The following NRP1 variants were observed in gnomAD, a reference collection of about 807,000 sequenced individuals.
The protein encoded by NRP1 is neuropilin 1, also known as neuropilin-1.
A neutral mutation model predicts 106.7 loss-of-function variants in NRP1; 35 were observed. That is an observed-to-expected ratio of 0.33 (90% CI 0.25 to 0.43). The LOEUF is 0.43. Ranked by LOEUF, NRP1 falls within the 20% of genes least tolerant of loss-of-function variation. The pLI is 1.00. For synonymous variants in NRP1, 437 were observed against 417.9 expected (o/e 1.05, Z -0.56); for missense variants, 1,024 against 1,170.4 (o/e 0.87, Z 1.83).
intron 12 of NRP1, chr10:33,194,220 C>T (rs538833766): frequency 6.6e-6 from 1 of 152,546 alleles, no homozygotes; most frequent in Admixed American, 6.5e-5. Flanking sequence ...TGCCAACGCC[C>T]ATGACCCTGA....
chr10:33,284,726 T>C (rs1366838697), intron 2 of NRP1, among the ~76,000 whole-genome samples: 2 of 152,238 alleles, frequency 1.3e-5, no homozygotes, highest in African/African-American at 4.8e-5. Flanking sequence ...GCAAATAATG[T>C]TCTTTTCATG....
chr10:33,296,998 A>T (rs1278981109), intron 2 of NRP1, among the ~76,000 whole-genome samples: 1 of 152,122 alleles, frequency 6.6e-6, no homozygotes, highest in East Asian at 1.9e-4. Context: ...CAAAAGAAAA[A>T]AAAAAGAATA....
intron 12 of NRP1, among the ~76,000 whole-genome samples, chr10:33,194,011 G>A (rs1161871333): frequency 1.3e-5 from 2 of 152,138 alleles, no homozygotes; most frequent in African/African-American, 4.8e-5. Flanking sequence ...TTCATTTAGT[G>A]CAAACAGGCT....
intron 2 of NRP1, among the ~76,000 whole-genome samples, chr10:33,305,695 A>G (rs996067469): frequency 6.6e-6 from 1 of 152,144 alleles, no homozygotes; most frequent in Admixed American, 6.6e-5. Context: ...AAAATCATAT[A>G]CCATGACTAA....
In NRP1 at chr10:33,202,879, T is replaced by C; in HGVS notation, c.1864+12A>G. 1.9e-6 allele frequency: 3 copies of C among 1,614,228 alleles called. No homozygotes were observed. The highest frequency in any genetic ancestry group is 1.7e-6 in the Non-Finnish European group (2 of 1,180,036). On this transcript the variant is annotated intron_variant, in intron 11 of 16. Coordinates refer to ENST00000374867, the MANE Select transcript of NRP1 (RefSeq NM_003873.7). ...AAATGGTACAGCAATGGGATGAAGA[T>C]GGTTTCTGCACCTGTGAGCTGGAAG...
intron 6 of NRP1, among the ~76,000 whole-genome samples, chr10:33,239,695 T>C (rs1840864485): frequency 6.6e-6 from 1 of 152,252 alleles, no homozygotes; most frequent in South Asian, 2.1e-4. Flanking sequence ...CCTAACTTAA[T>C]AGTGGTTCTC....
At chr10:33,308,441 T>G (rs1346280619) in intron 2 of NRP1, among the ~76,000 whole-genome samples, 1 of 151,352 alleles carries the variant, frequency 6.6e-6, no homozygotes, top group Non-Finnish European at 1.5e-5. Flanking sequence ...TTACATGTAA[T>G]TTCAAGAGAA....
chr10:33,250,646 G>A (rs1841788916), intron 6 of NRP1, among the ~76,000 whole-genome samples: 2 of 152,182 alleles, frequency 1.3e-5, no homozygotes, highest in African/African-American at 4.8e-5. Context: ...GATAGACCTT[G>A]TTTCCAAGCC....
At chr10:33,233,411 C>T (rs1279591392) in intron 6 of NRP1, among the ~76,000 whole-genome samples, 1 of 152,154 alleles carries the variant, frequency 6.6e-6, no homozygotes, top group Non-Finnish European at 1.5e-5. Flanking sequence ...AGGAGAAGCA[C>T]ACATTTTACC....
chr10:33,325,160 T>A (rs529963691), intron 2 of NRP1, among the ~76,000 whole-genome samples: 1 of 152,294 alleles, frequency 6.6e-6, no homozygotes, highest in South Asian at 2.1e-4. Flanking sequence ...TGTGTATTTT[T>A]CTAAATATAT....
chr10:33,204,767 T>C (rs1837626998), intron 10 of NRP1, among the ~76,000 whole-genome samples: 1 of 151,864 alleles, frequency 6.6e-6, no homozygotes, highest in Admixed American at 6.6e-5. Context: ...GTTTCACTCT[T>C]GTCACCCAGG....
rs753645404 is a variant in NRP1 at position 33,270,740 on chromosome 10, T to C, written c.365A>G (p.Lys122Arg). Residue 122 changes from lysine to arginine, a missense_variant, in exon 3 of 17, where the codon AAA becomes AGA. By Grantham distance (26) the Lys-to-Arg change is conservative (BLOSUM62 2). Around this residue, in one of 5 missense-constraint regions of NRP1, gnomAD observed 279 missense variants for 327.4 expected, o/e 0.85. Coordinates refer to ENST00000374867, the MANE Select transcript of NRP1 (RefSeq NM_003873.7). ...VVSSGPFLFI[K>R]FVSDYETHGA... Reference sequence around the variant, plus strand: ...ATGTGTTTCGTAGTCAGAGACAAATTTGATAAAAAGAAATGGCCCTGAAGA... The same window carrying C: ...ATGTGTTTCGTAGTCAGAGACAAATCTGATAAAAAGAAATGGCCCTGAAGA... 6.2e-7 allele frequency: 1 copy of C among 1,614,086 alleles called. No homozygotes were observed. Among genetic ancestry groups the C allele is most frequent in the Non-Finnish European group, 8.5e-7 (1 of 1,179,994 alleles).
intron 2 of NRP1, among the ~76,000 whole-genome samples, chr10:33,285,478 G>A (rs1379182621): frequency 2.6e-5 from 4 of 151,948 alleles, no homozygotes; most frequent in Non-Finnish European, 5.9e-5. Flanking sequence ...AAATTTTTTC[G>A]TGATCATTAG....
At chr10:33,269,579 A>T (rs142256547) in intron 3 of NRP1, among the ~76,000 whole-genome samples, 1 of 152,344 alleles carries the variant, frequency 6.6e-6, no homozygotes, top group Non-Finnish European at 1.5e-5. Flanking sequence ...CTTATAACTG[A>T]GGTCCCCAAC....
chr10:33,274,667 G>A (rs567696334), intron 2 of NRP1, among the ~76,000 whole-genome samples: 21 of 152,282 alleles, frequency 1.4e-4, no homozygotes, highest in African/African-American at 5.1e-4. Context: ...ATCCTCCACA[G>A]GGTGTTGTCT....
chr10:33,283,024 G>A (rs1195564221), intron 2 of NRP1, among the ~76,000 whole-genome samples: 6 of 152,134 alleles, frequency 3.9e-5, no homozygotes, highest in Admixed American at 6.5e-5. Flanking sequence ...GATTACAGGC[G>A]TGAGCCACCG....
At chr10:33,225,885 A>G (rs1385000409) in intron 7 of NRP1, among the ~76,000 whole-genome samples, 1 of 152,228 alleles carries the variant, frequency 6.6e-6, no homozygotes, top group Non-Finnish European at 1.5e-5. Context: ...GGCTTACAGC[A>G]ATTCTTGAGT....
chr10:33,195,203 G>A (rs1292052427), intron 12 of NRP1, among the ~76,000 whole-genome samples: 1 of 152,118 alleles, frequency 6.6e-6, no homozygotes. Flanking sequence ...TAACTCACTT[G>A]TTCATAGACT....
At chr10:33,220,594 T>C (rs1327044353) in intron 8 of NRP1, among the ~76,000 whole-genome samples, 2 of 152,140 alleles carry the variant, frequency 1.3e-5, no homozygotes, top group African/African-American at 4.8e-5. Context: ...AGCATAGTCA[T>C]GCAAGAAAAC....
Sources: gnomAD v4.1 joint callset for allele counts (sites outside exome capture counted in the v4.1 genomes callset) on GRCh38, gnomAD v4.1.1 for gene constraint, gnomAD v4.1.1 regional missense constraint, MANE v1.5 for transcripts, NCBI Gene and HGNC (gene_info 2026-07-23, HGNC 2026-07-21) for gene names.